GLI3: variants seen among roughly 807,000 people sequenced by gnomAD.
GLI3 encodes the protein GLI family zinc finger 3.
A neutral mutation model predicts 100.8 loss-of-function variants in GLI3; 20 were observed. The ratio of observed to expected loss-of-function variants is 0.20; its 90% CI spans 0.14 to 0.29. The LOEUF is 0.29. GLI3 is among the 10% of genes least tolerant of loss of function. The probability of loss-of-function intolerance (pLI) is 1.00; values close to 1 mark genes in which losing one functional copy is unlikely to be tolerated. For missense variants in GLI3, 2,040 were observed against 2,128.5 expected, an observed-to-expected ratio of 0.96 and a Z score of 0.82; for synonymous variants, 938 against 860.5, an observed-to-expected ratio of 1.09 and a Z score of -1.58.
In GLI3 at chr7:41,966,099, GGTGGCGCCGCCCGTAGCC is replaced by G; in HGVS notation, c.2956_2973del (p.Gly986_His991del). 13 of 1,572,022 alleles carry G rather than the reference GGTGGCGCCGCCCGTAGCC, an allele frequency of 8.3e-6. No individual in the cohort carries two copies. Among genetic ancestry groups the G allele is most frequent in the Non-Finnish European group, 1.1e-5 (13 of 1,164,986 alleles). ...TGGCCCGGCGCATCGTGCGGCTGCA[GGTGGCGCCGCCCGTAGCC>G]GTGGGCTCCCCCGTCGCTGCACCTC... On this transcript the variant is annotated inframe_deletion, in exon 15 of 15. Coordinates refer to ENST00000395925, the MANE Select transcript of GLI3 (RefSeq NM_000168.6). The surrounding 1 kb of genome is among the most constrained non-coding windows in gnomAD (Gnocchi z 5.8).
intron 3 of GLI3, among the ~76,000 whole-genome samples, chr7:42,125,609 C>A (rs1256576591): frequency 6.6e-6 from 1 of 152,104 alleles, no homozygotes; most frequent in Admixed American, 6.5e-5. Context: ...TTCTGCCCTG[C>A]GACATTCTTC....
intron 10 of GLI3, among the ~76,000 whole-genome samples, chr7:42,007,328 T>C (rs536272261): frequency 2.0e-5 from 3 of 152,002 alleles, no homozygotes; most frequent in African/African-American, 4.8e-5. Flanking sequence ...AAAGTTCTTA[T>C]GTCATCTCTT....
intron 1 of GLI3, among the ~76,000 whole-genome samples, chr7:42,230,106 G>A (rs112766571): frequency 3.3e-5 from 4 of 122,646 alleles, no homozygotes; most frequent in African/African-American, 1.2e-4. Flanking sequence ...GGCGGGGGGG[G>A]GGGGGGTGGA....
intron 2 of GLI3, among the ~76,000 whole-genome samples, chr7:42,205,171 T>G (rs951270379): frequency 6.6e-6 from 1 of 152,170 alleles, no homozygotes; most frequent in African/African-American, 2.4e-5. Context: ...TGATACTTTT[T>G]ATAAGAATCC....
intron 2 of GLI3, among the ~76,000 whole-genome samples, chr7:42,205,914 TCC>T (rs1788141879): frequency 1.3e-5 from 2 of 152,140 alleles, no homozygotes; most frequent in African/African-American, 4.8e-5. Flanking sequence ...TAAGATTGCT[TCC>T]CACAGCCAAT....
At chr7:42,044,272 C>T (rs1784200697) in intron 6 of GLI3, among the ~76,000 whole-genome samples, 1 of 152,144 alleles carries the variant, frequency 6.6e-6, no homozygotes, top group Non-Finnish European at 1.5e-5. Flanking sequence ...AAGCAAAGGC[C>T]CTACTCAAAG....
At chr7:42,152,459 C>T in intron 2 of GLI3, 4 of 952,232 alleles carry the variant, frequency 4.2e-6, no homozygotes, top group Non-Finnish European at 5.0e-6. Flanking sequence ...TCTCTGCCTC[C>T]CTCTCCCTCT....
chr7:42,221,608 A>T (rs1208504833), intron 2 of GLI3, among the ~76,000 whole-genome samples: 2 of 152,172 alleles, frequency 1.3e-5, no homozygotes, highest in African/African-American at 4.8e-5. Context: ...GATAACCAAA[A>T]GCTGATGTTC....
upstream of GLI3, among the ~76,000 whole-genome samples, chr7:42,237,618 G>T (rs1788841217): frequency 6.6e-6 from 1 of 150,496 alleles, no homozygotes; most frequent in Non-Finnish European, 1.5e-5. Context: ...AACAGATGTT[G>T]CCGGACTCTC....
At position 42,183,093 on chromosome 7, in the gene GLI3, G is replaced by A. The variant is rs539359284; in HGVS notation, c.125-34625C>T. ...AAAAAAATAAGCCTGGCATGGTGGC[G>A]CACACCTGTAGTCCCAGCTACTCAG... On this transcript the variant is annotated intron_variant, in intron 2 of 14. Transcript: ENST00000395925. Among the ~76,000 whole-genome samples, 13 of 152,056 alleles carry A rather than the reference G, an allele frequency of 8.5e-5. 1 individual carries two copies. The highest frequency in any genetic ancestry group is 4.2e-4 in the South Asian group (2 of 4,800).
chr7:42,069,200 C>T (rs896144366), intron 4 of GLI3, among the ~76,000 whole-genome samples: 2 of 152,176 alleles, frequency 1.3e-5, no homozygotes, highest in Admixed American at 1.3e-4. Flanking sequence ...TCTGAATATA[C>T]ACTATAATTA....
Position 42,048,599 on chromosome 7 carries a change from T to C in GLI3, c.571A>G (p.Ser191Gly). 1.2e-6 allele frequency: 2 copies of C among 1,611,502 alleles called. No individual in the cohort carries two copies. Among genetic ancestry groups the C allele is most frequent in the South Asian group, 2.2e-5 (2 of 90,884 alleles). Residue 191 changes from serine to glycine, a missense_variant, in exon 5 of 15, where the codon AGC becomes GGC. Around this residue, in one of 5 missense-constraint regions of GLI3, gnomAD observed 603 missense variants for 690.9 expected, o/e 0.87. Coordinates refer to ENST00000395925, the MANE Select transcript of GLI3 (RefSeq NM_000168.6). ...GGATTAATGTAGGGATGTGGAGGGC[T>C]GAAGGGAGACTCGGAAGCAGCAGTG... ...NPTAASESPF[S>G]PPHPYINPYM... is the part of the protein sequence containing the mutation.
At chr7:42,107,702 G>A (rs574591947) in intron 3 of GLI3, among the ~76,000 whole-genome samples, 3 of 152,306 alleles carry the variant, frequency 2.0e-5, no homozygotes, top group African/African-American at 7.2e-5. Flanking sequence ...GAGGAACAGT[G>A]ACAAGGCCAG....
chr7:42,133,203 T>A (rs1275170264), intron 3 of GLI3, among the ~76,000 whole-genome samples: 1 of 152,228 alleles, frequency 6.6e-6, no homozygotes, highest in East Asian at 1.9e-4. Context: ...AACAAACTTA[T>A]GACTCCTTAG....
At chr7:42,116,978 G>T (rs1272300756) in intron 3 of GLI3, among the ~76,000 whole-genome samples, 1 of 152,184 alleles carries the variant, frequency 6.6e-6, no homozygotes, top group Non-Finnish European at 1.5e-5. Flanking sequence ...GATATCACTT[G>T]TGAACTAAAC....
intron 2 of GLI3, among the ~76,000 whole-genome samples, chr7:42,178,133 G>A (rs1787517256): frequency 6.6e-6 from 1 of 152,210 alleles, no homozygotes; most frequent in Admixed American, 6.5e-5. Context: ...TGTCCCAGCT[G>A]AGATGTCGGC....
At chr7:42,070,081 G>A (rs1052630395) in intron 4 of GLI3, among the ~76,000 whole-genome samples, 6 of 152,212 alleles carry the variant, frequency 3.9e-5, no homozygotes, top group African/African-American at 1.4e-4. Flanking sequence ...ATCTACCCAT[G>A]TTCTAACAGA....
intron 1 of GLI3, among the ~76,000 whole-genome samples, chr7:42,260,754 A>C (rs1407291885): frequency 2.0e-5 from 3 of 152,238 alleles, no homozygotes; most frequent in Non-Finnish European, 4.4e-5. Context: ...AAATGAAGTG[A>C]ACATGGCAAC....
intron 3 of GLI3, among the ~76,000 whole-genome samples, chr7:42,077,587 A>T (rs1227702798): frequency 6.6e-6 from 1 of 151,974 alleles, no homozygotes; most frequent in Non-Finnish European, 1.5e-5. Flanking sequence ...CCTTGGACCC[A>T]GGCCCTCTCC....
Sources: gnomAD v4.1 joint callset for allele counts (sites outside exome capture counted in the v4.1 genomes callset) on GRCh38, gnomAD v4.1.1 for gene constraint, gnomAD v4.1.1 regional missense constraint, Gnocchi (gnomAD v3.1) non-coding constraint, MANE v1.5 for transcripts, NCBI Gene and HGNC (gene_info 2026-07-23, HGNC 2026-07-21) for gene names.